The following NCOR1 variants were observed in gnomAD, a reference collection of about 807,000 sequenced individuals.
NCOR1 encodes the protein nuclear receptor corepressor 1, also known as protein phosphatase 1, regulatory subunit 109.
NCOR1 carries 63 observed loss-of-function variants against 288.1 expected under a neutral mutation model. The ratio of observed to expected loss-of-function variants is 0.22; its 90% CI spans 0.18 to 0.27. The LOEUF is 0.27. Ranked by LOEUF, NCOR1 falls within the 10% of genes least tolerant of loss-of-function variation. The pLI is 1.00. For missense variants in NCOR1, 2,397 were observed against 3,019.2 expected (o/e 0.79, Z 4.83); for synonymous variants, 1,007 against 1,065.9 (o/e 0.94, Z 1.08).
Position 16,171,961 on chromosome 17 carries a change from G to C in NCOR1, c.277C>G (p.His93Asp). The C allele has an allele frequency of 1.2e-6, 2 of 1,600,076 alleles. No homozygotes were observed. The highest frequency in any genetic ancestry group is 1.7e-6 in the Non-Finnish European group (2 of 1,174,372). The change falls in exon 4 of 46, where the codon CAT (histidine) becomes GAT (aspartate). Residue 93 changes from histidine to aspartate, a missense_variant. Physicochemically the swap from His to Asp is moderately conservative, Grantham distance 81 (BLOSUM62 -1). Coordinates refer to ENST00000268712, the MANE Select transcript of NCOR1 (RefSeq NM_006311.4). ...QERRTSYEPF[H>D]PGPSPVDHDS... ...TGATCCACTGGGGATGGGCCTGGAT[G>C]AAACGGTTCATAACTAGTTCTCCTT...
intron 14 of NCOR1, among the ~76,000 whole-genome samples, chr17:16,133,579 TTC>T (rs1051049287): frequency 9.2e-5 from 14 of 152,334 alleles, no homozygotes; most frequent in East Asian, 3.9e-4. Flanking sequence ...TGCAATTCAA[TTC>T]TGTTTTTAAA....
chr17:16,037,825 C>A (rs2056730764), intron 44 of NCOR1, among the ~76,000 whole-genome samples: 1 of 152,172 alleles, frequency 6.6e-6, no homozygotes, highest in Admixed American at 6.5e-5. Flanking sequence ...AAGTGAGACA[C>A]CTCTGACTGT....
intron 41 of NCOR1, 45 bp downstream of exon 41, chr17:16,048,800 G>A: frequency 1.3e-6 from 2 of 1,516,622 alleles, no homozygotes; most frequent in South Asian, 1.3e-5. Context: ...TAAAGCATGA[G>A]CACCCACGCC....
At chr17:16,059,656 T>G (rs899692350) in intron 37 of NCOR1, among the ~76,000 whole-genome samples, 2 of 152,202 alleles carry the variant, frequency 1.3e-5, no homozygotes, top group Admixed American at 6.5e-5. Flanking sequence ...CAGGAACCTC[T>G]GAATTCAGAG....
At chr17:16,095,962 T>G (rs987639877) in intron 21 of NCOR1, among the ~76,000 whole-genome samples, 2 of 152,042 alleles carry the variant, frequency 1.3e-5, no homozygotes, top group Non-Finnish European at 2.9e-5. Flanking sequence ...ATGGGAGACT[T>G]TTCATTTTGT....
chr17:16,166,725 TCAAC>T (rs1463869413), intron 4 of NCOR1, among the ~76,000 whole-genome samples: 1 of 151,742 alleles, frequency 6.6e-6, no homozygotes, highest in African/African-American at 2.4e-5. Flanking sequence ...ACCATCTTTA[TCAAC>T]CTTTTTTTCT....
At chr17:16,124,197 T>TA (rs2073569858) in intron 15 of NCOR1, among the ~76,000 whole-genome samples, 2 of 152,166 alleles carry the variant, frequency 1.3e-5, no homozygotes, top group African/African-American at 4.8e-5. Flanking sequence ...AGGTAAATCT[T>TA]AAACAGTTCC....
chr17:16,200,507 A>G (rs1167859483), intron 1 of NCOR1, among the ~76,000 whole-genome samples: 1 of 150,694 alleles, frequency 6.6e-6, no homozygotes, highest in Non-Finnish European at 1.5e-5. Flanking sequence ...AAAAAAAAAA[A>G]AAAAAAAAAA....
intron 42 of NCOR1, among the ~76,000 whole-genome samples, chr17:16,041,897 T>C (rs973497793): frequency 3.9e-4 from 60 of 152,242 alleles, no homozygotes; most frequent in East Asian, 2.1e-3. Context: ...CCACTATGCC[T>C]GGCTAATTTT....
intron 22 of NCOR1, among the ~76,000 whole-genome samples, chr17:16,089,751 A>G (rs1267990310): frequency 1.3e-5 from 2 of 152,150 alleles, no homozygotes; most frequent in Non-Finnish European, 2.9e-5. Context: ...CAAACATTCT[A>G]GACACAAGCA....
chr17:16,071,753 G>C, intron 29 of NCOR1, 88 bp from the exon 30 acceptor site: 1 of 1,203,482 alleles, frequency 8.3e-7, no homozygotes, highest in South Asian at 1.7e-5. Context: ...TGGTTAAAAT[G>C]GTAAATTTTG....
rs1195580338 is a variant in NCOR1, at chr17:16,032,112, G to T, written c.*184C>A. ...CTGTATCAAAGGCAGTTTTTTGTTT[G>T]TTTTTTTCCCATTTGACTCTCCAAA... On this transcript the variant is annotated 3_prime_UTR_variant, in exon 46 of 46. Coordinates refer to ENST00000268712, the MANE Select transcript of NCOR1 (RefSeq NM_006311.4). The T allele has an allele frequency of 5.0e-6, 3 of 605,894 alleles. No homozygotes were observed. The highest frequency in any genetic ancestry group is 5.3e-5 in the South Asian group (2 of 37,698). 37.5% of individuals were successfully genotyped at this position (605,894 alleles called of 1,614,324 possible).
intron 18 of NCOR1, among the ~76,000 whole-genome samples, chr17:16,116,728 T>C (rs933282160): frequency 2.6e-5 from 4 of 152,242 alleles, no homozygotes; most frequent in Admixed American, 6.5e-5. Flanking sequence ...CAGAACTTTA[T>C]GTTTACTTCC....
intron 15 of NCOR1, among the ~76,000 whole-genome samples, chr17:16,121,871 G>A (rs991477702): frequency 3.9e-5 from 6 of 152,176 alleles, no homozygotes; most frequent in Non-Finnish European, 8.8e-5. Flanking sequence ...GGCTGCCTGG[G>A]TTTGTACCAC....
At chr17:16,183,230 C>CAAAAAAAAAAAAAAAAGAAAAAAAAAAA (rs59665102) in intron 3 of NCOR1, among the ~76,000 whole-genome samples, 1 of 64,092 alleles carries the variant, frequency 1.6e-5, no homozygotes, top group African/African-American at 4.6e-5. Context: ...AGCAATCAAA[C>CAAAAAAAAAAAAAAAAGAAAAAAAAAAA]AAAAAAAAAA....
At chr17:16,159,167 A>G (rs1599629371) in intron 5 of NCOR1, among the ~76,000 whole-genome samples, 1 of 152,084 alleles carries the variant, frequency 6.6e-6, no homozygotes, top group East Asian at 1.9e-4. Flanking sequence ...TAATCCCAGC[A>G]CTTTGGGAGG....
chr17:16,192,652 T>A (rs147651980), intron 2 of NCOR1, among the ~76,000 whole-genome samples: 6 of 151,814 alleles, frequency 4.0e-5, no homozygotes, highest in African/African-American at 1.5e-4. Context: ...CAAAACTCCA[T>A]CTCAAAAAAA....
Position 16,153,403 on chromosome 17 carries a change from TAA to T in NCOR1, c.733-10_733-9del, listed in dbSNP as rs1568357967. The T allele has an allele frequency of 3.2e-6, 5 of 1,575,522 alleles. No individual in the cohort carries two copies. In the Admixed American group the frequency reaches 6.9e-5, roughly 22 times the overall value. ...AGCTTCTTCTGCTTTTTTCTAGAGA[TAA>T]AGACATTGTTGTATCATATAATTAA... On this transcript the variant is annotated splice_polypyrimidine_tract_variant and intron_variant, in intron 6 of 45. Coordinates refer to ENST00000268712, the MANE Select transcript of NCOR1 (RefSeq NM_006311.4).
At position 16,075,591 on chromosome 17, in the gene NCOR1, C is replaced by T. The variant is rs2062345749; in HGVS notation, c.3613G>A (p.Ala1205Thr). The change falls in exon 27 of 46, where the codon GCA becomes ACA. Residue 1205 changes from alanine (A) to threonine (T), a missense_variant. Ala to Thr is a moderately conservative substitution (Grantham distance 58). This residue lies in a region of NCOR1 where 1,872 missense variants were observed against 2,187.8 expected (regional missense o/e 0.86). Coordinates refer to ENST00000268712, the MANE Select transcript of NCOR1 (RefSeq NM_006311.4). Reference protein sequence around the residue: ...SSPEKGREEAASKGHVIYEGK... With the variant: ...SSPEKGREEATSKGHVIYEGK... The stretch of plus-strand genomic sequence containing the variant: ...TCATAAATAACATGGCCTTTGGATG[C>T]AGCTTCCTCTCTGCCTTTCTCAGGA... 8 of 1,614,208 alleles carry T rather than the reference C, an allele frequency of 5.0e-6. No individual in the cohort carries two copies. In the Middle Eastern group the frequency reaches 4.9e-4, roughly 100 times the overall value.
Sources: gnomAD v4.1 joint callset for allele counts (sites outside exome capture counted in the v4.1 genomes callset) on GRCh38, gnomAD v4.1.1 for gene constraint, gnomAD v4.1.1 regional missense constraint, MANE v1.5 for transcripts, NCBI Gene and HGNC (gene_info 2026-07-23, HGNC 2026-07-21) for gene names.